RGS3: variants seen among roughly 807,000 people sequenced by gnomAD.
RGS3 encodes the protein regulator of G-protein signalling 3.
A neutral mutation model predicts 132.6 loss-of-function variants in RGS3; 80 were observed. That is an observed-to-expected ratio of 0.60 (90% confidence interval 0.50 to 0.73). The LOEUF is 0.73. Among genes scored for constraint, RGS3 ranks in the 30% least tolerant of loss-of-function variants. The probability of loss-of-function intolerance (pLI) is 0.00; values close to 1 mark genes in which losing one functional copy is unlikely to be tolerated. For missense variants in RGS3, 1,382 were observed against 1,530.8 expected, an observed-to-expected ratio of 0.90 and a Z score of 1.62; for synonymous variants, 598 against 620.6, an observed-to-expected ratio of 0.96 and a Z score of 0.54.
At chr9:113,531,174 G>A (rs1832447505) in intron 18 of RGS3, among the ~76,000 whole-genome samples, 2 of 152,150 alleles carry the variant, frequency 1.3e-5, no homozygotes, top group South Asian at 4.1e-4. Context: ...TGCCTGGACA[G>A]GTGTGTTTCT....
intron 19 of RGS3, among the ~76,000 whole-genome samples, chr9:113,539,453 G>GCAC (rs1832815019): frequency 2.6e-5 from 4 of 152,178 alleles, no homozygotes; most frequent in Admixed American, 2.6e-4. Context: ...GGTACCACAG[G>GCAC]CACATGCCAC....
In RGS3 at chr9:113,469,672, A is replaced by G. The variant is rs528852666; in HGVS notation, c.415+7471A>G. Reference sequence around the variant, plus strand: ...TAGTATTTAGAAGACGCATGTTGATAATGCAGTTTTTTTCTTTATCATTTA... The same window carrying G: ...TAGTATTTAGAAGACGCATGTTGATGATGCAGTTTTTTTCTTTATCATTTA... On this transcript the variant is annotated intron_variant, in intron 3 of 24. Transcript: ENST00000350696. 7.2e-5 allele frequency among the ~76,000 whole-genome samples: 11 copies of G among 152,138 alleles called. No individual in the cohort carries two copies. The South Asian group carries it at 2.3e-3, about 32-fold the overall frequency.
chr9:113,479,367 C>A, intron 3 of RGS3, 124 bp from the exon 2 acceptor site: 2 of 984,746 alleles, frequency 2.0e-6, no homozygotes, highest in Non-Finnish European at 3.2e-6. Context: ...CAGCCAGAGA[C>A]TTGTGTGAGT....
At chr9:113,593,899 C>T (rs1433245641) in intron 21 of RGS3, 2 of 1,584,072 alleles carry the variant, frequency 1.3e-6, no homozygotes, top group East Asian at 2.2e-5. Flanking sequence ...CCCCACCCCC[C>T]ACCACTGTCT....
chr9:113,445,871 G>T (rs549186877), intron 1 of RGS3, among the ~76,000 whole-genome samples: 16 of 152,208 alleles, frequency 1.1e-4, no homozygotes, highest in African/African-American at 3.6e-4. Context: ...TAGAGACAGG[G>T]TTTCTCCATG....
At chr9:113,582,014 C>T (rs770621800) in intron 19 of RGS3, 2 of 985,714 alleles carry the variant, frequency 2.0e-6, no homozygotes, top group Non-Finnish European at 2.4e-6. Context: ...TTCACACTCC[C>T]AGGCTGTGGC....
chr9:113,593,679 G>A, intron 21 of RGS3: 1 of 551,768 alleles, frequency 1.8e-6, no homozygotes, highest in Non-Finnish European at 3.2e-6. Flanking sequence ...CTGTACAGGG[G>A]GTCTAGGGAA....
intron 3 of RGS3, among the ~76,000 whole-genome samples, chr9:113,473,845 C>T (rs1046682320): frequency 1.5e-4 from 23 of 152,212 alleles, no homozygotes; most frequent in Admixed American, 5.2e-4. Flanking sequence ...TGACTTTGTT[C>T]TCTCCATGTG....
In RGS3 at chr9:113,565,476, G is replaced by C. The variant is rs1833956076; in HGVS notation, c.2038-17974G>C. 3 of 930,582 alleles carry C rather than the reference G, an allele frequency of 3.2e-6. No homozygotes were observed. The highest frequency in any genetic ancestry group is 3.0e-6 in the Non-Finnish European group (2 of 672,400). 57.6% of individuals were successfully genotyped at this position (930,582 alleles called of 1,614,324 possible). ...GGTTTTGAAAGCGCTACCTAGATGT[G>C]GGAGGTGGAACCTGGTCATTTGGTT... On this transcript the variant is annotated intron_variant, in intron 19 of 24. Transcript: ENST00000350696. This position sits in a 1 kb window ranked among gnomAD's most constrained non-coding sequence, Gnocchi z 5.7.
intron 19 of RGS3, among the ~76,000 whole-genome samples, chr9:113,559,978 C>T (rs972439625): frequency 6.6e-5 from 10 of 152,218 alleles, no homozygotes; most frequent in African/African-American, 2.2e-4. Flanking sequence ...ATTCCACATA[C>T]ACCACGTCGT....
At chr9:113,492,463 A>T (rs184058874) in intron 7 of RGS3, among the ~76,000 whole-genome samples, 1 of 152,178 alleles carries the variant, frequency 6.6e-6, no homozygotes, top group Non-Finnish European at 1.5e-5. Flanking sequence ...TTGAACTGCT[A>T]TTTAAATTCC....
intron 7 of RGS3, among the ~76,000 whole-genome samples, chr9:113,491,120 G>T (rs1426655951): frequency 1.4e-5 from 2 of 140,306 alleles, no homozygotes; most frequent in African/African-American, 2.6e-5. Context: ...TGAGCATATA[G>T]AAATTATATA....
intron 3 of RGS3, among the ~76,000 whole-genome samples, chr9:113,471,085 G>A (rs1215015863): frequency 6.6e-6 from 1 of 152,144 alleles, no homozygotes; most frequent in Non-Finnish European, 1.5e-5. Context: ...CGTTTGTCAG[G>A]TGCCTAGGGT....
chr9:113,594,991 C>T lies in RGS3; in HGVS notation c.3244+11C>T. The T allele has an allele frequency of 6.2e-7, 1 of 1,613,434 alleles. No individual in the cohort carries two copies. Among genetic ancestry groups the T allele is most frequent in the Non-Finnish European group, 8.5e-7 (1 of 1,179,382 alleles). On this transcript the variant is annotated intron_variant, in intron 23 of 24. Coordinates refer to ENST00000350696, the Ensembl canonical transcript of RGS3. ...TGCTGGTTCACAAATGTAAGTTGGG[C>T]CTGCCTGCCCACTCCCTGTGCCCTC...
Position 113,506,322 on chromosome 9 carries a change from C to A in RGS3, c.980-66C>A. The A allele has an allele frequency of 2.0e-6, 2 of 998,754 alleles. No individual in the cohort carries two copies. Among genetic ancestry groups the A allele is most frequent in the Non-Finnish European group, 3.1e-6 (2 of 646,292 alleles). The allele number at this position is 998,754 out of a possible 1,614,324, so 61.9% of individuals were successfully genotyped here. On this transcript the variant is annotated intron_variant, in intron 11 of 24. Coordinates refer to ENST00000350696, the Ensembl canonical transcript of RGS3. This position sits in a 1 kb window ranked among gnomAD's most constrained non-coding sequence, Gnocchi z 4.7. Reference sequence around the variant, plus strand: ...CTGAGGTCACCATGGCAGCAAAGGACTCCAGATCCTTTGAAGGGGTCTTAG... The same window carrying A: ...CTGAGGTCACCATGGCAGCAAAGGAATCCAGATCCTTTGAAGGGGTCTTAG...
At chr9:113,583,724 C>A in exon 20 of RGS3, 1 of 1,614,076 alleles carries the variant, frequency 6.2e-7, no homozygotes, top group Non-Finnish European at 8.5e-7. Flanking sequence ...CAGGAACCCC[C>A]TCCAGCCCAA....
At chr9:113,512,578 G>A (rs763916372) in intron 14 of RGS3, among the ~76,000 whole-genome samples, 2 of 152,166 alleles carry the variant, frequency 1.3e-5, no homozygotes, top group Non-Finnish European at 2.9e-5. Flanking sequence ...AACCTTCTGA[G>A]GTGAGTTTTA....
At chr9:113,501,351 TC>T in intron 10 of RGS3, 1 of 1,245,636 alleles carries the variant, frequency 8.0e-7, no homozygotes, top group Non-Finnish European at 1.1e-6. Context: ...TATAAAACTC[TC>T]CCTCTTCCTT....
rs1437821333 is a variant in RGS3 at position 113,577,343 on chromosome 9, A to G, written c.2038-6107A>G. On this transcript the variant is annotated intron_variant, in intron 19 of 24. Coordinates refer to ENST00000350696, the Ensembl canonical transcript of RGS3. Reference sequence around the variant, plus strand: ...TTAGTGCAAAGTACAGAGAGTTCCAATATACTTTGTCCTACTTATTGCCAA... The same window carrying G: ...TTAGTGCAAAGTACAGAGAGTTCCAGTATACTTTGTCCTACTTATTGCCAA... Among the ~76,000 whole-genome samples, 7 of 152,220 alleles carry G rather than the reference A, an allele frequency of 4.6e-5. No homozygotes were observed. In the East Asian group the frequency reaches 1.3e-3, roughly 29 times the overall value.
Sources: allele counts gnomAD v4.1 joint callset (sites outside exome capture counted in the v4.1 genomes callset), GRCh38; gene constraint gnomAD v4.1.1; non-coding constraint Gnocchi (gnomAD v3.1); transcripts MANE v1.5; gene names NCBI Gene and HGNC (gene_info 2026-07-23, HGNC 2026-07-21).